RABGEF1: variants seen among roughly 807,000 people sequenced by gnomAD.
RABGEF1 encodes the protein RAB guanine nucleotide exchange factor 1.
In RABGEF1, 26 loss-of-function variants were observed where a neutral mutation model predicts 57.3. The observed-to-expected ratio is 0.45, with a 90% CI of 0.33 to 0.63. The LOEUF is 0.63. Among genes scored for constraint, RABGEF1 ranks in the 20% least tolerant of loss-of-function variants. The probability of loss-of-function intolerance (pLI) is 0.02; values close to 1 mark genes in which losing one functional copy is unlikely to be tolerated. For missense variants in RABGEF1, 464 were observed against 607.6 expected (o/e 0.76, Z 2.48); for synonymous variants, 185 against 210.7 (o/e 0.88, Z 1.06).
chr7:66,773,121 G>A (rs1261770992), intron 2 of RABGEF1, among the ~76,000 whole-genome samples: 2 of 120,176 alleles, frequency 1.7e-5, no homozygotes, highest in African/African-American at 5.7e-5. Context: ...TATTTGTTGA[G>A]TGACTCCTTT....
chr7:66,797,277 C>G (rs1223577932), intron 5 of RABGEF1, 97 bp from the exon 6 acceptor site: 29 of 1,308,326 alleles, frequency 2.2e-5, no homozygotes, highest in Non-Finnish European at 3.0e-5. Flanking sequence ...GCACTCCAAC[C>G]TGGGCGACAG....
chr7:66,726,687 T>C (rs1796620981), intron 2 of RABGEF1, among the ~76,000 whole-genome samples: 1 of 151,946 alleles, frequency 6.6e-6, no homozygotes, highest in Non-Finnish European at 1.5e-5. Flanking sequence ...AGGTTTTGTT[T>C]TCAGGATAAT....
At chr7:66,687,353 T>C (rs982845343) in intron 1 of RABGEF1, among the ~76,000 whole-genome samples, 1 of 151,648 alleles carries the variant, frequency 6.6e-6, no homozygotes, top group Non-Finnish European at 1.5e-5. Flanking sequence ...CTCAAACTCC[T>C]GAACTGAGGT....
chr7:66,663,339 G>C, the RABGEF1 span, among the ~76,000 whole-genome samples: 5 of 152,180 alleles, frequency 3.3e-5, no homozygotes, highest in African/African-American at 1.2e-4. Flanking sequence ...ATATTTTTGT[G>C]TGTGTGTCTT....
At chr7:66,722,557 G>A (rs1216915661) in intron 2 of RABGEF1, among the ~76,000 whole-genome samples, 1 of 152,198 alleles carries the variant, frequency 6.6e-6, no homozygotes, top group Non-Finnish European at 1.5e-5. Context: ...TATTACTTGT[G>A]CTTTAGGTGT....
At chr7:66,716,331 G>A (rs887008530) in intron 2 of RABGEF1, among the ~76,000 whole-genome samples, 3 of 152,142 alleles carry the variant, frequency 2.0e-5, no homozygotes, top group Non-Finnish European at 2.9e-5. Flanking sequence ...CAGGTGCAGC[G>A]GCTCATGCGT....
chr7:66,697,015 C>T (rs1166339442), intron 1 of RABGEF1, among the ~76,000 whole-genome samples: 1 of 152,162 alleles, frequency 6.6e-6, no homozygotes, highest in Non-Finnish European at 1.5e-5. Flanking sequence ...GAGAGGACTG[C>T]AGAAGGAGGC....
At chr7:66,666,632 T>C in the RABGEF1 span, among the ~76,000 whole-genome samples, 3 of 152,210 alleles carry the variant, frequency 2.0e-5, no homozygotes, top group Non-Finnish European at 4.4e-5. Flanking sequence ...CTGGGGTCCC[T>C]GGCCCAAGGC....
intron 2 of RABGEF1, among the ~76,000 whole-genome samples, chr7:66,723,358 C>T (rs1584941906): frequency 6.6e-6 from 1 of 152,046 alleles, no homozygotes; most frequent in Admixed American, 6.6e-5. Flanking sequence ...TTTGTGTGTG[C>T]GATTATCCTG....
intron 1 of RABGEF1, among the ~76,000 whole-genome samples, chr7:66,695,216 G>A (rs1011937657): frequency 2.0e-5 from 3 of 152,142 alleles, no homozygotes; most frequent in Admixed American, 6.5e-5. Flanking sequence ...GGAGGCTGAG[G>A]TAGGTCAATC....
chr7:66,800,565 T>C (rs953932360), intron 7 of RABGEF1, among the ~76,000 whole-genome samples: 6 of 152,176 alleles, frequency 3.9e-5, no homozygotes, highest in Admixed American at 3.9e-4. Flanking sequence ...ATGGCGTAGG[T>C]CATGACTACT....
At chr7:66,804,082 C>T (rs1247430202) in intron 7 of RABGEF1, among the ~76,000 whole-genome samples, 1 of 150,666 alleles carries the variant, frequency 6.6e-6, no homozygotes, top group African/African-American at 2.4e-5. Flanking sequence ...ATTCCAGTAG[C>T]TGGATTTTTT....
At chr7:66,728,155 C>T (rs1219524680) in intron 2 of RABGEF1, among the ~76,000 whole-genome samples, 3 of 152,210 alleles carry the variant, frequency 2.0e-5, no homozygotes, top group Non-Finnish European at 4.4e-5. Flanking sequence ...CTGGCTGTGG[C>T]CAGGGCCTTG....
chr7:66,748,425 C>T (rs1276905293), intron 1 of RABGEF1, among the ~76,000 whole-genome samples: 1 of 152,124 alleles, frequency 6.6e-6, no homozygotes, highest in Non-Finnish European at 1.5e-5. Flanking sequence ...TTTGTGCTTC[C>T]TCACAAGTTC....
chr7:66,758,213 T>G (rs1803271976), intron 1 of RABGEF1, among the ~76,000 whole-genome samples: 1 of 152,090 alleles, frequency 6.6e-6, no homozygotes, highest in African/African-American at 2.4e-5. Flanking sequence ...AGTATTTTCG[T>G]TTTGCTTTTC....
chr7:66,696,120 C>T (rs1362679592), intron 1 of RABGEF1, among the ~76,000 whole-genome samples: 1 of 151,876 alleles, frequency 6.6e-6, no homozygotes, highest in Non-Finnish European at 1.5e-5. Context: ...GGTTGGAGTG[C>T]AGTGGCACAA....
intron 4 of RABGEF1, among the ~76,000 whole-genome samples, chr7:66,789,115 A>G (rs1339289469): frequency 1.3e-5 from 2 of 152,206 alleles, no homozygotes; most frequent in Non-Finnish European, 2.9e-5. Flanking sequence ...GTGTCCTCCT[A>G]TACCTTAAAA....
At chr7:66,722,380 C>T (rs945791171) in intron 2 of RABGEF1, among the ~76,000 whole-genome samples, 1 of 152,168 alleles carries the variant, frequency 6.6e-6, no homozygotes, top group Non-Finnish European at 1.5e-5. Flanking sequence ...ACGGAGGTTG[C>T]AGTGAGCTGA....
At chr7:66,729,943 C>G (rs1280440596) in intron 2 of RABGEF1, among the ~76,000 whole-genome samples, 1 of 152,168 alleles carries the variant, frequency 6.6e-6, no homozygotes, top group Non-Finnish European at 1.5e-5. Context: ...ATCAGGGCCA[C>G]CTGGCTCATG....
Sources: allele counts gnomAD v4.1 joint callset (sites outside exome capture counted in the v4.1 genomes callset), GRCh38; gene constraint gnomAD v4.1.1; transcripts MANE v1.5; gene names NCBI Gene and HGNC (gene_info 2026-07-23, HGNC 2026-07-21).